Variants in CRIM1 observed in about 807,000 individuals in gnomAD.
The protein encoded by CRIM1 is cysteine rich transmembrane BMP regulator 1, also known as cysteine-rich motor neuron 1 protein.
In CRIM1, 32 loss-of-function variants were observed where a neutral mutation model predicts 116.4. The ratio of observed to expected loss-of-function variants is 0.27; its 90% confidence interval spans 0.21 to 0.37. The LOEUF (loss-of-function observed/expected upper bound fraction) is 0.37. CRIM1 is among the 10% of genes least tolerant of loss of function. The pLI is 1.00. For missense variants in CRIM1, 1,331 were observed against 1,354.8 expected, an observed-to-expected ratio of 0.98 and a Z score of 0.28; for synonymous variants, 590 against 509.2, an observed-to-expected ratio of 1.16 and a Z score of -2.13.
chr2:36,365,116 AAT>A (rs1669502404), intron 1 of CRIM1, among the ~76,000 whole-genome samples: 1 of 152,176 alleles, frequency 6.6e-6, no homozygotes, highest in Non-Finnish European at 1.5e-5. Context: ...GGGGGCTGGG[AAT>A]ACAGGGTCTA....
At chr2:36,432,120 C>T (rs1674941170) in intron 2 of CRIM1, among the ~76,000 whole-genome samples, 1 of 152,100 alleles carries the variant, frequency 6.6e-6, no homozygotes, top group Non-Finnish European at 1.5e-5. Flanking sequence ...ATTTAATTTA[C>T]CTCATTAGTC....
At chr2:36,380,378 G>T (rs1670652980) in intron 1 of CRIM1, among the ~76,000 whole-genome samples, 1 of 152,116 alleles carries the variant, frequency 6.6e-6, no homozygotes, top group Non-Finnish European at 1.5e-5. Context: ...GCTCCTCTTG[G>T]GTCTGGATGG....
chr2:36,369,743 G>C (rs145528345), intron 1 of CRIM1, among the ~76,000 whole-genome samples: 72 of 152,264 alleles, frequency 4.7e-4, no homozygotes, highest in African/African-American at 1.5e-3. Flanking sequence ...AGATTTGCTG[G>C]CCTAAAAAGA....
intron 7 of CRIM1, among the ~76,000 whole-genome samples, chr2:36,491,025 T>G (rs1300667994): frequency 6.6e-6 from 1 of 152,210 alleles, no homozygotes; most frequent in Non-Finnish European, 1.5e-5. Context: ...TGCCCATAAC[T>G]TCACGCAGTA....
chr2:36,528,273 C>T (rs929567588), intron 13 of CRIM1, among the ~76,000 whole-genome samples: 5 of 152,012 alleles, frequency 3.3e-5, no homozygotes, highest in African/African-American at 1.2e-4. Context: ...TTTTCGAGGC[C>T]GAGAATATCT....
intron 7 of CRIM1, among the ~76,000 whole-genome samples, chr2:36,495,879 T>C (rs1558368898): frequency 6.6e-6 from 1 of 151,348 alleles, no homozygotes; most frequent in Non-Finnish European, 1.5e-5. Flanking sequence ...CATAAATAGG[T>C]AGATAGTCTA....
chr2:36,377,086 A>G (rs552222742), intron 1 of CRIM1, among the ~76,000 whole-genome samples: 15 of 152,272 alleles, frequency 9.9e-5, no homozygotes, highest in South Asian at 6.2e-4. Flanking sequence ...CACATCCAAC[A>G]GCTGCCCTTG....
At chr2:36,437,941 G>T (rs543572910) in intron 2 of CRIM1, among the ~76,000 whole-genome samples, 1 of 151,864 alleles carries the variant, frequency 6.6e-6, no homozygotes, top group Non-Finnish European at 1.5e-5. Flanking sequence ...AGACCAGCCC[G>T]GCCAACATGG....
chr2:36,395,060 G>C (rs1423209833), intron 1 of CRIM1, among the ~76,000 whole-genome samples: 2 of 148,166 alleles, frequency 1.3e-5, no homozygotes, highest in Non-Finnish European at 3.0e-5. Context: ...TGTTGCCCAG[G>C]CTGGAGTGCA....
intron 8 of CRIM1, among the ~76,000 whole-genome samples, chr2:36,508,397 G>C (rs1396421818): frequency 6.6e-6 from 1 of 152,146 alleles, no homozygotes; most frequent in Non-Finnish European, 1.5e-5. Context: ...TTGTAGTTAA[G>C]TTTTAATTTT....
chr2:36,382,802 G>T (rs1670884381), intron 1 of CRIM1, among the ~76,000 whole-genome samples: 1 of 152,234 alleles, frequency 6.6e-6, no homozygotes, highest in Non-Finnish European at 1.5e-5. Context: ...ACAATGGAGA[G>T]AACAAGCACA....
At chr2:36,365,917 G>A (rs3732075) in intron 1 of CRIM1, among the ~76,000 whole-genome samples, 46,794 of 151,864 alleles carry the variant, frequency 0.31, 7,600 homozygotes, top group East Asian at 0.44. Flanking sequence ...TATTTTTAGT[G>A]GAGACCACGT....
rs1312294829 is a variant in CRIM1, at chr2:36,517,503, C to A, written c.2167C>A (p.Pro723Thr). Residue 723 changes from proline to threonine, a missense_variant, in exon 12 of 17, where the codon CCC (proline) becomes ACC (threonine). Coordinates refer to ENST00000280527, the MANE Select transcript of CRIM1 (RefSeq NM_016441.3). Reference protein sequence around the residue: ...EVCPPLLCQNPSRTQDSCCPQ... With the variant: ...EVCPPLLCQNTSRTQDSCCPQ... ...GTGCCCACCGCTGCTCTGCCAGAAC[C>A]CCTCACGCACCCAGGATTCCTGCTG... The A allele has an allele frequency of 6.2e-7, 1 of 1,614,070 alleles. No homozygotes were observed.
intron 1 of CRIM1, among the ~76,000 whole-genome samples, chr2:36,360,673 G>T (rs1292545606): frequency 6.6e-6 from 1 of 152,090 alleles, no homozygotes; most frequent in Non-Finnish European, 1.5e-5. Flanking sequence ...ATGTATGCGG[G>T]ATCTGCTCCA....
chr2:36,467,142 G>C (rs753766111), intron 5 of CRIM1, among the ~76,000 whole-genome samples: 3 of 152,184 alleles, frequency 2.0e-5, no homozygotes, highest in Non-Finnish European at 2.9e-5. Context: ...AAGATGTTGA[G>C]TGGACAAAAC....
intron 7 of CRIM1, among the ~76,000 whole-genome samples, chr2:36,486,667 T>A (rs1679840880): frequency 6.6e-6 from 1 of 152,092 alleles, no homozygotes; most frequent in South Asian, 2.1e-4. Context: ...TTCCCATACC[T>A]AAAAGGGTAT....
At chr2:36,411,738 C>G (rs981563948) in intron 2 of CRIM1, among the ~76,000 whole-genome samples, 2 of 152,142 alleles carry the variant, frequency 1.3e-5, no homozygotes, top group Admixed American at 1.3e-4. Flanking sequence ...GTGTTACATT[C>G]TCTGGTTAAG....
chr2:36,541,305 T>C (rs10084464), intron 14 of CRIM1, among the ~76,000 whole-genome samples: 6 of 151,884 alleles, frequency 4.0e-5, no homozygotes, highest in African/African-American at 1.5e-4. Context: ...ACCTTGCTTC[T>C]TCCTTTAGAC....
chr2:36,404,802 T>TAAAATG (rs1446740447), intron 2 of CRIM1, among the ~76,000 whole-genome samples: 1 of 152,228 alleles, frequency 6.6e-6, no homozygotes, highest in Non-Finnish European at 1.5e-5. Context: ...TTTTCATTTT[T>TAAAATG]AAAAGCGCAG....
Sources: allele counts gnomAD v4.1 joint callset (sites outside exome capture counted in the v4.1 genomes callset), GRCh38; gene constraint gnomAD v4.1.1; transcripts MANE v1.5; gene names NCBI Gene and HGNC (gene_info 2026-07-23, HGNC 2026-07-21).